MYEF2: variants seen among roughly 807,000 people sequenced by gnomAD.
MYEF2 encodes the protein myelin gene expression factor 2.
MYEF2 carries 37 observed loss-of-function variants against 75.2 expected under a neutral mutation model. That is an observed-to-expected ratio of 0.49 (90% CI 0.38 to 0.65). The LOEUF is 0.65. Among genes scored for constraint, MYEF2 ranks in the 30% least tolerant of loss-of-function variants. The pLI, the probability that MYEF2 is intolerant of heterozygous loss-of-function variation, is 0.00. For synonymous variants in MYEF2, 195 were observed against 241.6 expected (o/e 0.81, Z 1.79); for missense variants, 634 against 771.4 (o/e 0.82, Z 2.11).
At position 48,151,550 on chromosome 15, in the gene MYEF2, G is replaced by T. The variant is rs779677501; in HGVS notation, c.1229C>A (p.Thr410Asn). The change falls in exon 13 of 17, where the codon ACT becomes AAT. Residue 410 changes from threonine to asparagine, a missense_variant. Transcript: ENST00000324324. ...TCCAAAATCTCGCTCCATGCTACTA[G>T]TCATCGCACCACGGTACAGCTCTGA... ...RMGELYRGAMTSSMERDFGRG... is the reference protein window; with the variant it reads ...RMGELYRGAMNSSMERDFGRG... 1.2e-6 allele frequency: 2 copies of T among 1,612,416 alleles called. No individual in the cohort carries two copies. The highest frequency in any genetic ancestry group is 2.7e-5 in the African/African-American group (2 of 74,774).
rs561517739 is a variant in MYEF2, at chr15:48,143,114, G to A, written c.1640-43C>T. On this transcript the variant is annotated intron_variant, in intron 16 of 16. Coordinates refer to ENST00000324324, the MANE Select transcript of MYEF2 (RefSeq NM_016132.5). ...CAGAATTACTAGTCAGTTTAAATAA[G>A]TTCTATTTCACTTTATAGGTTTGAA... 87 of 1,363,940 alleles carry A rather than the reference G, an allele frequency of 6.4e-5. 1 individual carries two copies. In the South Asian group the frequency reaches 8.6e-4, roughly 13 times the overall value. The allele number at this position is 1,363,940 out of a possible 1,614,324, so 84.5% of individuals were successfully genotyped here. A position where few individuals can be genotyped will look rare whatever the true frequency, so the allele number is the denominator to read the frequency against.
Position 48,159,765 on chromosome 15 carries a change from T to C in MYEF2, c.565A>G (p.Thr189Ala). ...GENARRALQRTGGSFPGGHVP... is the reference protein window; with the variant it reads ...GENARRALQRAGGSFPGGHVP... The stretch of plus-strand genomic sequence containing the variant: ...TGTCCTCCTGGAAATGATCCTCCTG[T>C]TCGCTGCAATGCCCTACGAGCATTT... The change falls in exon 6 of 17, where the codon ACA (threonine) becomes GCA (alanine). Residue 189 changes from threonine to alanine, a missense_variant. Physicochemically the swap from Thr to Ala is moderately conservative, Grantham distance 58 (BLOSUM62 0). Transcript: ENST00000324324. The C allele has an allele frequency of 6.2e-7, 1 of 1,613,516 alleles. No individual in the cohort carries two copies. Among genetic ancestry groups the C allele is most frequent in the Non-Finnish European group, 8.5e-7 (1 of 1,179,712 alleles).
rs1249453298 is a variant in MYEF2, at chr15:48,135,730, G to T, written c.*7178C>A. 6.6e-6 allele frequency: 1 copy of T among 151,996 alleles called. No individual in the cohort carries two copies. The highest frequency in any genetic ancestry group is 2.4e-5 in the African/African-American group (1 of 41,396). 9.4% of individuals were successfully genotyped at this position (151,996 alleles called of 1,614,324 possible). The stretch of plus-strand genomic sequence containing the variant: ...AATATGAAAAAAAAAAAATGTAATG[G>T]TGTCCATCTGGAGAACCATAACCTT... On this transcript the variant is annotated 3_prime_UTR_variant, in exon 17 of 17. Transcript: ENST00000324324.
chr15:48,173,955 A>G (rs1211571220), intron 1 of MYEF2, among the ~76,000 whole-genome samples: 1 of 152,160 alleles, frequency 6.6e-6, no homozygotes, highest in Admixed American at 6.5e-5. Context: ...GATCTCTATC[A>G]AAATTCTAAC....
intron 1 of MYEF2, among the ~76,000 whole-genome samples, chr15:48,171,792 T>C (rs1315889794): frequency 6.6e-6 from 1 of 152,122 alleles, no homozygotes; most frequent in African/African-American, 2.4e-5. Context: ...TTCCAAAATA[T>C]TGGTACTACA....
intron 1 of MYEF2, among the ~76,000 whole-genome samples, chr15:48,172,363 G>A (rs1016639226): frequency 6.9e-6 from 1 of 144,360 alleles, no homozygotes; most frequent in African/African-American, 2.6e-5. Context: ...TCACACCATT[G>A]CACATTTTTT....
At chr15:48,173,841 A>C (rs1371026492) in intron 1 of MYEF2, among the ~76,000 whole-genome samples, 1 of 152,140 alleles carries the variant, frequency 6.6e-6, no homozygotes, top group African/African-American at 2.4e-5. Flanking sequence ...ATGATAAAAG[A>C]AATTGAAAAT....
At chr15:48,160,544 C>T (rs1432952330) in intron 5 of MYEF2, among the ~76,000 whole-genome samples, 1 of 149,750 alleles carries the variant, frequency 6.7e-6, no homozygotes, top group East Asian at 1.9e-4. Flanking sequence ...TCTCACTCAT[C>T]CCACTAGGTG....
chr15:48,147,907 C>T (rs1036089987), intron 16 of MYEF2, among the ~76,000 whole-genome samples: 3 of 151,960 alleles, frequency 2.0e-5, no homozygotes, highest in African/African-American at 7.2e-5. Context: ...GAATGCTTAA[C>T]TTATAAACTT....
Position 48,168,802 on chromosome 15 carries a change from A to G in MYEF2, c.199T>C (p.Leu67=). 1.2e-6 allele frequency: 2 copies of G among 1,613,560 alleles called. No homozygotes were observed. Among genetic ancestry groups the G allele is most frequent in the South Asian group, 2.2e-5 (2 of 91,018 alleles). The change falls in exon 2 of 17, where the codon TTA becomes CTA. Residue 67 remains leucine, a synonymous_variant. Transcript: ENST00000324324. Reference sequence around the variant, plus strand: ...TTACTTCCTGTAGATTTTTCCTTTAAGTCAGATTTCTCTTCTTTTGCTGAT... The same window carrying G: ...TTACTTCCTGTAGATTTTTCCTTTAGGTCAGATTTCTCTTCTTTTGCTGAT... ...DESAKEEKSD[L]KEKSTGSKKA...
chr15:48,135,717 A>G lies in MYEF2; in HGVS notation c.*7191T>C, dbSNP rs1275756598. On this transcript the variant is annotated 3_prime_UTR_variant, in exon 17 of 17. Coordinates refer to ENST00000324324, the MANE Select transcript of MYEF2 (RefSeq NM_016132.5). ...AGGACACCAGAAAAATATGAAAAAA[A>G]AAAAATGTAATGGTGTCCATCTGGA... 1.3e-5 allele frequency: 2 copies of G among 152,200 alleles called. No individual in the cohort carries two copies. The highest frequency in any genetic ancestry group is 2.9e-5 in the Non-Finnish European group (2 of 67,994). 9.4% of individuals were successfully genotyped at this position (152,200 alleles called of 1,614,324 possible).
At chr15:48,160,153 A>G (rs2039880463) in intron 5 of MYEF2, among the ~76,000 whole-genome samples, 1 of 152,116 alleles carries the variant, frequency 6.6e-6, no homozygotes, top group Non-Finnish European at 1.5e-5. Context: ...AAATGTAGGA[A>G]TGGTCATTTC....
rs1274200788 is a variant in MYEF2 at position 48,139,365 on chromosome 15, T to A, written c.*3543A>T. On this transcript the variant is annotated 3_prime_UTR_variant, in exon 17 of 17. Transcript: ENST00000324324. ...GAGTTTGTGAGTTGCATATTATATA[T>A]AAACTGTATTTTCCACTGTTATTTA... 2 of 483,046 alleles carry A rather than the reference T, an allele frequency of 4.1e-6. No individual in the cohort carries two copies. The highest frequency in any genetic ancestry group is 3.4e-5 in the Admixed American group (1 of 29,226). The allele number at this position is 483,046 out of a possible 1,614,324, so 29.9% of individuals were successfully genotyped here. A position where few individuals can be genotyped will look rare whatever the true frequency, so the allele number is the denominator to read the frequency against.
In MYEF2 at chr15:48,142,180, T is replaced by A; in HGVS notation, c.*728A>T. The stretch of plus-strand genomic sequence containing the variant: ...GAGGACTAACTTACATAACCATCTC[T>A]CTCAACATTTCAATTATTTTTCTTT... On this transcript the variant is annotated 3_prime_UTR_variant, in exon 17 of 17. Coordinates refer to ENST00000324324, the MANE Select transcript of MYEF2 (RefSeq NM_016132.5). 3 of 1,613,878 alleles carry A rather than the reference T, an allele frequency of 1.9e-6. No homozygotes were observed. Among genetic ancestry groups the A allele is most frequent in the Non-Finnish European group, 2.5e-6 (3 of 1,179,910 alleles).
At chr15:48,166,297 T>C (rs1170649964) in intron 3 of MYEF2, among the ~76,000 whole-genome samples, 169 bp from the exon 4 acceptor site, 1 of 151,900 alleles carries the variant, frequency 6.6e-6, no homozygotes, top group Non-Finnish European at 1.5e-5. Flanking sequence ...ACCACAAATT[T>C]TCTCTAAATT....
rs1475168073 is a variant in MYEF2, at chr15:48,138,777, T to C, written c.*4131A>G. 1.8e-6 allele frequency: 1 copy of C among 558,930 alleles called. No individual in the cohort carries two copies. Among genetic ancestry groups the C allele is most frequent in the Non-Finnish European group, 3.2e-6 (1 of 311,564 alleles). The allele number at this position is 558,930 out of a possible 1,614,324, so 34.6% of individuals were successfully genotyped here. A position where few individuals can be genotyped will look rare whatever the true frequency, so the allele number is the denominator to read the frequency against. The stretch of plus-strand genomic sequence containing the variant: ...TAAAGAAATGCGGAGTATCACATCT[T>C]ACATTGTCTGCCCTAAAGTTTCAAT... On this transcript the variant is annotated 3_prime_UTR_variant, in exon 17 of 17. Coordinates refer to ENST00000324324, the MANE Select transcript of MYEF2 (RefSeq NM_016132.5).
At chr15:48,170,494 T>C (rs2040288067) in intron 1 of MYEF2, among the ~76,000 whole-genome samples, 1 of 152,200 alleles carries the variant, frequency 6.6e-6, no homozygotes, top group African/African-American at 2.4e-5. Flanking sequence ...ACTTCAATTT[T>C]AAAGCAATTT....
Position 48,136,981 on chromosome 15 carries a change from C to T in MYEF2, c.*5927G>A, listed in dbSNP as rs755754161. ...TTCTGAAGGTAATCACTAAATCTTG[C>T]CCATTATTAAGTCTATTCGCAAAGG... On this transcript the variant is annotated 3_prime_UTR_variant, in exon 17 of 17. Transcript: ENST00000324324. 110 of 1,595,802 alleles carry T rather than the reference C, an allele frequency of 6.9e-5. No individual in the cohort carries two copies. Among genetic ancestry groups the T allele is most frequent in the Non-Finnish European group, 9.0e-5 (105 of 1,168,782 alleles).
At chr15:48,170,404 G>A (rs972346493) in intron 1 of MYEF2, among the ~76,000 whole-genome samples, 1 of 152,192 alleles carries the variant, frequency 6.6e-6, no homozygotes, top group African/African-American at 2.4e-5. Context: ...GGGATTACAG[G>A]TGTGAGCCAC....
Sources: allele counts gnomAD v4.1 joint callset (sites outside exome capture counted in the v4.1 genomes callset), GRCh38; gene constraint gnomAD v4.1.1; transcripts MANE v1.5; gene names NCBI Gene and HGNC (gene_info 2026-07-23, HGNC 2026-07-21).